TRIOBP: variants seen among roughly 807,000 people sequenced by gnomAD.
TRIOBP encodes TRIO and F-actin-binding protein.
Under a neutral mutation model 238.8 loss-of-function variants are expected in TRIOBP, and 169 were observed. That is an observed-to-expected ratio of 0.71 (90% CI 0.62 to 0.80). The LOEUF is 0.80. Among genes scored for constraint, TRIOBP ranks in the 30% least tolerant of loss-of-function variants. The pLI, the probability that TRIOBP is intolerant of heterozygous loss-of-function variation, is 0.00. For missense variants in TRIOBP, 2,838 were observed against 3,122.6 expected (o/e 0.91, Z 2.17); for synonymous variants, 1,150 against 1,274.4 (o/e 0.90, Z 2.08).
In TRIOBP at chr22:37,713,207, C is replaced by T; in HGVS notation, c.255-3C>T. The T allele has an allele frequency of 1.1e-5, 17 of 1,612,866 alleles. No individual in the cohort carries two copies. The highest frequency in any genetic ancestry group is 1.4e-5 in the Non-Finnish European group (17 of 1,179,522). ...TACTTTTTGGGTCTGTCTCCTCTCCCAGGGGCCCATCCCCCTCAGCAGGGC... is the reference window on the plus strand; with the variant it reads ...TACTTTTTGGGTCTGTCTCCTCTCCTAGGGGCCCATCCCCCTCAGCAGGGC... On this transcript the variant is annotated splice_region_variant and splice_polypyrimidine_tract_variant and intron_variant, in intron 4 of 23. Coordinates refer to ENST00000644935, the MANE Select transcript of TRIOBP (RefSeq NM_001039141.3).
intron 6 of TRIOBP, among the ~76,000 whole-genome samples, chr22:37,716,985 T>G (rs1174093391): frequency 1.3e-5 from 2 of 152,140 alleles, no homozygotes; most frequent in Non-Finnish European, 2.9e-5. Context: ...CCGGAATTGG[T>G]GGGTTCTTGG....
At chr22:37,763,456 C>T (rs1305025722) in intron 17 of TRIOBP, among the ~76,000 whole-genome samples, 2 of 152,094 alleles carry the variant, frequency 1.3e-5, no homozygotes, top group African/African-American at 2.4e-5. Flanking sequence ...TCTTGGCCCT[C>T]GCTCCTCCAT....
At chr22:37,771,905 T>G in intron 22 of TRIOBP, 169 bp downstream of exon 22, 1 of 717,660 alleles carries the variant, frequency 1.4e-6, no homozygotes, top group Non-Finnish European at 2.5e-6. Context: ...ACAGGGAAAC[T>G]GAGACTAAGA....
intron 7 of TRIOBP, 70 bp from the exon 8 acceptor site, chr22:37,733,228 G>A (rs1924507922): frequency 1.3e-5 from 16 of 1,228,676 alleles, no homozygotes; most frequent in Non-Finnish European, 1.9e-5. Context: ...CCTGTTGGAG[G>A]TGGGAGCAGA....
chr22:37,742,576 C>T (rs1459000201), intron 11 of TRIOBP, among the ~76,000 whole-genome samples: 4 of 152,110 alleles, frequency 2.6e-5, no homozygotes, highest in East Asian at 3.9e-4. Context: ...AATTTCCTTT[C>T]GCTGCTCTTT....
chr22:37,774,592 C>A lies in TRIOBP; in HGVS notation c.*812C>A, dbSNP rs1254109947. The A allele has an allele frequency of 1.3e-5, 2 of 152,294 alleles. No homozygotes were observed. The highest frequency in any genetic ancestry group is 2.9e-5 in the Non-Finnish European group (2 of 68,100). 9.4% of individuals were successfully genotyped at this position (152,294 alleles called of 1,614,324 possible). On this transcript the variant is annotated 3_prime_UTR_variant, in exon 24 of 24. Transcript: ENST00000644935. ...CTTCCCCACTCACACCCTACCCACA[C>A]CCCACCCTTCCTAAAGCAGCGGCCT...
At chr22:37,746,802 G>A (rs1719221840) in intron 11 of TRIOBP, among the ~76,000 whole-genome samples, 1 of 152,254 alleles carries the variant, frequency 6.6e-6, no homozygotes, top group African/African-American at 2.4e-5. Flanking sequence ...GGGCCCCAGG[G>A]AGGAGCGGAG....
intron 4 of TRIOBP, 109 bp from the exon 5 acceptor site, chr22:37,713,101 C>T (rs1014685769): frequency 1.8e-5 from 18 of 991,808 alleles, no homozygotes; most frequent in Non-Finnish European, 2.7e-5. Flanking sequence ...CCCTTTCCCA[C>T]ACCAGCGTGT....
At chr22:37,718,132 G>GCCCACCA (rs1569037663) in intron 6 of TRIOBP, among the ~76,000 whole-genome samples, 5 of 152,160 alleles carry the variant, frequency 3.3e-5, no homozygotes, top group Non-Finnish European at 5.9e-5. Flanking sequence ...CGGCCGCTCC[G>GCCCACCA]AGTGCGGGGC....
chr22:37,726,612 C>A, intron 7 of TRIOBP, 109 bp downstream of exon 7: 1 of 1,163,634 alleles, frequency 8.6e-7, no homozygotes, highest in Non-Finnish European at 1.1e-6. Context: ...CCTGGCTTGC[C>A]ATTTACCGGC....
intron 3 of TRIOBP, among the ~76,000 whole-genome samples, chr22:37,706,083 GCAGGCACGTCTA>G (rs1170825347): frequency 1.3e-5 from 2 of 152,118 alleles, no homozygotes; most frequent in Non-Finnish European, 2.9e-5. Context: ...AACTAATTGA[GCAGGCACGTCTA>G]CAGGATTTGG....
In TRIOBP at chr22:37,772,726, G is replaced by A; in HGVS notation, c.7062G>A (p.Gln2354=). 6.2e-7 allele frequency: 1 copy of A among 1,613,996 alleles called. No homozygotes were observed. The highest frequency in any genetic ancestry group is 1.7e-5 in the Admixed American group (1 of 60,026). The change falls in exon 23 of 24, where the codon CAG becomes CAA. Residue 2354 remains glutamine (Q), a synonymous_variant. Coordinates refer to ENST00000644935, the MANE Select transcript of TRIOBP (RefSeq NM_001039141.3). ...TGCGTCTTGCCATGGCCGCCCTCCA[G>A]GAGAAGGAGTCGATGCGCAACAGCC... is the stretch of plus-strand genomic sequence containing the variant. The part of the protein sequence containing the change: ...EHLRLAMAAL[Q]EKESMRNSLA...
At chr22:37,714,744 A>G (rs1055601342) in intron 5 of TRIOBP, among the ~76,000 whole-genome samples, 2 of 151,844 alleles carry the variant, frequency 1.3e-5, no homozygotes, top group Non-Finnish European at 2.9e-5. Flanking sequence ...TGATGTGAAC[A>G]TGGCTCACTA....
rs767990820 is a variant in TRIOBP at position 37,735,289 on chromosome 22, G to A, written c.4953G>A (p.Pro1651=). The A allele has an allele frequency of 8.7e-6, 14 of 1,610,464 alleles. No individual in the cohort carries two copies. The highest frequency in any genetic ancestry group is 1.3e-5 in the African/African-American group (1 of 74,866). Residue 1651 remains proline, a synonymous_variant, in exon 9 of 24, where the codon CCG becomes CCA. Transcript: ENST00000644935. The part of the protein sequence containing the change: ...GHSPALQSQS[P]VQLPSPACTS... ...GCCCCGCACTGCAGTCCCAGAGCCC[G>A]GTCCAGCTGCCCAGCCCTGCCTGCA...
At chr22:37,743,801 A>ATGTGTGTGTGTGTGTGTGTGTGTGTG (rs71195050) in intron 11 of TRIOBP, among the ~76,000 whole-genome samples, 3 of 114,100 alleles carry the variant, frequency 2.6e-5, no homozygotes, top group African/African-American at 9.9e-5. Flanking sequence ...GAGAGAGAGA[A>ATGTGTGTGTGTGTGTGTGTGTGTGTG]TGTGTGTGTG....
chr22:37,706,966 A>G (rs1289647593), intron 3 of TRIOBP, among the ~76,000 whole-genome samples: 2 of 151,886 alleles, frequency 1.3e-5, no homozygotes, highest in African/African-American at 4.8e-5. Context: ...ACCAGATGTG[A>G]TAGTAAAAAA....
intron 11 of TRIOBP, chr22:37,746,215 G>GAAAAAA (rs58335859): frequency 9.5e-5 from 92 of 969,112 alleles, no homozygotes; most frequent in Admixed American, 1.5e-4. Flanking sequence ...CAGGAAGTTT[G>GAAAAAA]AAAAAAAAAA....
rs7289698 is a variant in TRIOBP, at chr22:37,741,666, C to G, written c.5322+634C>G. The stretch of plus-strand genomic sequence containing the variant: ...TGTTGGCTCTGAGTCCAGCACTAGG[C>G]TGGGCACCTCAGAGACAGTGTGCCC... On this transcript the variant is annotated intron_variant, in intron 11 of 23. Transcript: ENST00000644935. Among the ~76,000 whole-genome samples, 681 of 152,344 alleles carry G rather than the reference C, an allele frequency of 4.5e-3. 5 individuals are homozygous for G. The highest frequency in any genetic ancestry group is 0.015 in the African/African-American group (644 of 41,576).
intron 11 of TRIOBP, among the ~76,000 whole-genome samples, chr22:37,748,116 G>C (rs1401521250): frequency 6.6e-6 from 1 of 152,210 alleles, no homozygotes; most frequent in Non-Finnish European, 1.5e-5. Flanking sequence ...GAAGGGGTCT[G>C]GGGAGGAGGG....
Sources: gnomAD v4.1 joint callset for allele counts (sites outside exome capture counted in the v4.1 genomes callset) on GRCh38, gnomAD v4.1.1 for gene constraint, MANE v1.5 for transcripts, NCBI Gene and HGNC (gene_info 2026-07-23, HGNC 2026-07-21) for gene names.